The following MLIP variants were observed in gnomAD, a reference collection of about 807,000 sequenced individuals.
MLIP encodes the protein muscular LMNA-interacting protein.
Under a neutral mutation model 84.8 loss-of-function variants are expected in MLIP, and 79 were observed. The ratio of observed to expected loss-of-function variants is 0.93; its 90% CI spans 0.78 to 1.12. The LOEUF is 1.12. MLIP is among the 50% of genes most tolerant of loss of function. The pLI, the probability that MLIP is intolerant of heterozygous loss-of-function variation, is 0.00. For synonymous variants in MLIP, 504 were observed against 463.0 expected, an observed-to-expected ratio of 1.09 and a Z score of -1.14; for missense variants, 1,257 against 1,160.6, an observed-to-expected ratio of 1.08 and a Z score of -1.21.
intron 11 of MLIP, among the ~76,000 whole-genome samples, chr6:54,207,987 G>C (rs1165067371): frequency 6.6e-6 from 1 of 152,130 alleles, no homozygotes; most frequent in African/African-American, 2.4e-5. Flanking sequence ...AATCAGCAGG[G>C]TGTGGTGGCG....
chr6:54,059,173 C>T (rs1292141763), intron 1 of MLIP, among the ~76,000 whole-genome samples: 2 of 152,158 alleles, frequency 1.3e-5, no homozygotes, highest in Admixed American at 6.5e-5. Context: ...TCCTTCCTTC[C>T]CTTTCTTCCC....
At chr6:54,188,974 C>T (rs1777662604) in intron 9 of MLIP, among the ~76,000 whole-genome samples, 2 of 152,126 alleles carry the variant, frequency 1.3e-5, no homozygotes, top group Admixed American at 1.3e-4. Context: ...AATGCTACTA[C>T]CCTGGAATTC....
At chr6:54,258,131 AG>A (rs531735971) in intron 13 of MLIP, among the ~76,000 whole-genome samples, 47 of 152,206 alleles carry the variant, frequency 3.1e-4, no homozygotes, top group Admixed American at 2.4e-3. Context: ...ATCTCTGAGA[AG>A]GGACTGGGTG....
At chr6:54,074,407 A>AT (rs138533900) in intron 1 of MLIP, among the ~76,000 whole-genome samples, 13,236 of 151,368 alleles carry the variant, frequency 0.087, 823 homozygotes, top group East Asian at 0.33. Context: ...TAACGCGATG[A>AT]TTTTTTTTTC....
chr6:54,124,955 A>G, intron 3 of MLIP, 90 bp downstream of exon 3: 1 of 1,182,682 alleles, frequency 8.5e-7, no homozygotes, highest in South Asian at 2.3e-5. Context: ...ATCCTGTTTA[A>G]GGCAGACAAA....
At chr6:54,179,986 A>T (rs981743619) in intron 9 of MLIP, among the ~76,000 whole-genome samples, 2 of 152,126 alleles carry the variant, frequency 1.3e-5, no homozygotes, top group Non-Finnish European at 2.9e-5. Context: ...GACAGGTCTG[A>T]TGTTAATGAA....
rs553383459 is a variant in MLIP, at chr6:54,073,606, C to T, written c.64-47841C>T. ...CAAAAGCTTGTTAAAACATAGTCTC[C>T]TGAGCCCCATCTCCAGAGTTTCTTA... On this transcript the variant is annotated intron_variant, in intron 1 of 12. Transcript: ENST00000274897. 5.9e-5 allele frequency among the ~76,000 whole-genome samples: 9 copies of T among 152,268 alleles called. No individual in the cohort carries two copies. The East Asian group carries it at 1.7e-3, about 29-fold the overall frequency.
In MLIP at chr6:54,230,801, C is replaced by T. The variant is rs2150803730; in HGVS notation, c.2806C>T (p.Gln936Ter). ...TCCTGCTAAGTCACTGCTGCATCCA[C>T]AGACCCTCTCACATGCTGACTGTCT... ...YPPAKSLLHPQTLSHADCLAP... is the reference protein window; with the variant it reads ...YPPAKSLLHP The change falls in exon 12 of 14, where the codon CAG (glutamine) becomes TAG (stop). Residue 936 changes from glutamine (Q) to a stop codon, truncating the protein, a stop_gained. Transcript: ENST00000502396. LOFTEE classifies it high-confidence loss of function. The T allele has an allele frequency of 6.2e-7, 1 of 1,614,098 alleles. No individual in the cohort carries two copies. The highest frequency in any genetic ancestry group is 8.5e-7 in the Non-Finnish European group (1 of 1,179,976).
chr6:54,249,748 C>T (rs376884606), intron 12 of MLIP, among the ~76,000 whole-genome samples: 4 of 138,964 alleles, frequency 2.9e-5, no homozygotes, highest in African/African-American at 5.9e-5. Context: ...TATATATATA[C>T]ACACACACAT....
At chr6:54,107,699 C>A (rs936335648), upstream of MLIP, among the ~76,000 whole-genome samples, 2 of 152,176 alleles carry the variant, frequency 1.3e-5, no homozygotes, top group East Asian at 3.9e-4. Context: ...TCACTGCTCC[C>A]GTCACGAGTG....
chr6:54,046,760 C>T (rs1210853870), intron 1 of MLIP: 1 of 152,072 alleles, frequency 6.6e-6, no homozygotes, highest in African/African-American at 2.4e-5. Context: ...AATTTCTTGT[C>T]CCTTGAAATT....
intron 11 of MLIP, among the ~76,000 whole-genome samples, chr6:54,211,726 A>G (rs1040268347): frequency 2.0e-5 from 3 of 152,222 alleles, no homozygotes; most frequent in Admixed American, 6.5e-5. Context: ...GCGGCCAGGG[A>G]TAATGCCAAA....
At chr6:54,172,973 A>G (rs1481113651) in intron 9 of MLIP, among the ~76,000 whole-genome samples, 1 of 151,728 alleles carries the variant, frequency 6.6e-6, no homozygotes. Context: ...AATATGTTGA[A>G]TAGGGAGTGA....
chr6:54,195,333 T>C (rs1752242038), intron 10 of MLIP, among the ~76,000 whole-genome samples: 1 of 152,132 alleles, frequency 6.6e-6, no homozygotes, highest in Admixed American at 6.6e-5. Context: ...GCTGGCACCC[T>C]GTCCTTTATT....
intron 2 of MLIP, among the ~76,000 whole-genome samples, chr6:54,122,171 G>C (rs973810370): frequency 6.6e-6 from 1 of 152,088 alleles, no homozygotes; most frequent in African/African-American, 2.4e-5. Flanking sequence ...GAAGAAAAAT[G>C]TTATGTAGGT....
intron 12 of MLIP, among the ~76,000 whole-genome samples, chr6:54,236,160 G>A (rs1359755306): frequency 2.6e-5 from 4 of 152,130 alleles, no homozygotes; most frequent in Admixed American, 2.6e-4. Context: ...AAATTTATTT[G>A]TAACCCCAAA....
At chr6:54,215,003 T>C in intron 11 of MLIP, 1 of 596,408 alleles carries the variant, frequency 1.7e-6, no homozygotes, top group Non-Finnish European at 2.9e-6. Flanking sequence ...AAGGAGACGA[T>C]ATCCCTCCCT....
chr6:54,022,822 T>A (rs1435380560), intron 1 of MLIP, among the ~76,000 whole-genome samples: 2 of 152,112 alleles, frequency 1.3e-5, no homozygotes, highest in Non-Finnish European at 2.9e-5. Flanking sequence ...ACATAATATG[T>A]CTCAAGACAA....
intron 9 of MLIP, among the ~76,000 whole-genome samples, chr6:54,173,067 T>C (rs1164181115): frequency 6.6e-6 from 1 of 151,772 alleles, no homozygotes; most frequent in Admixed American, 6.6e-5. Flanking sequence ...TCAACAATAA[T>C]AATAACTAAT....
Sources: allele counts gnomAD v4.1 joint callset (sites outside exome capture counted in the v4.1 genomes callset), GRCh38; gene constraint gnomAD v4.1.1; transcripts MANE v1.5; gene names NCBI Gene and HGNC (gene_info 2026-07-23, HGNC 2026-07-21).